The following NKAIN2 variants were observed in gnomAD, a reference collection of about 807,000 sequenced individuals.
The protein encoded by NKAIN2 is sodium/potassium transporting ATPase interacting 2.
NKAIN2 carries 14 observed loss-of-function variants against 32.6 expected under a neutral mutation model. That is an observed-to-expected ratio of 0.43 (90% confidence interval 0.28 to 0.67). The LOEUF (loss-of-function observed/expected upper bound fraction) is 0.67, where lower values mean the gene tolerates loss of function less well. NKAIN2 is among the 30% of genes least tolerant of loss of function. NKAIN2 has a pLI of 0.17. For missense variants in NKAIN2, 198 were observed against 258.3 expected (o/e 0.77, Z 1.60); for synonymous variants, 80 against 87.2 (o/e 0.92, Z 0.46).
intron 4 of NKAIN2, among the ~76,000 whole-genome samples, chr6:124,726,773 C>T (rs1221402362): frequency 7.0e-6 from 1 of 141,940 alleles, no homozygotes; most frequent in Admixed American, 7.3e-5. Context: ...TATGGGAGGA[C>T]ATTCAAACCA....
intron 4 of NKAIN2, among the ~76,000 whole-genome samples, chr6:124,696,602 A>G (rs1774510685): frequency 1.3e-5 from 2 of 152,156 alleles, no homozygotes; most frequent in South Asian, 4.1e-4. Context: ...GGGAAAACAC[A>G]TAAATCCCTC....
intron 4 of NKAIN2, among the ~76,000 whole-genome samples, chr6:124,696,884 G>A (rs926861491): frequency 4.6e-5 from 7 of 151,384 alleles, no homozygotes; most frequent in Admixed American, 1.3e-4. Context: ...TTAGGCTACT[G>A]TAATTTGTTT....
intron 3 of NKAIN2, among the ~76,000 whole-genome samples, chr6:124,359,189 T>C (rs947529105): frequency 2.6e-5 from 4 of 152,170 alleles, no homozygotes; most frequent in Non-Finnish European, 5.9e-5. Flanking sequence ...TGTAGTATAG[T>C]TTGAAGTCAG....
intron 1 of NKAIN2, among the ~76,000 whole-genome samples, chr6:124,200,969 C>T (rs1790562578): frequency 6.6e-6 from 1 of 151,944 alleles, no homozygotes; most frequent in Non-Finnish European, 1.5e-5. Context: ...ATTATGTTGC[C>T]AGGATCACAA....
At chr6:124,677,556 A>G (rs543039361) in intron 4 of NKAIN2, among the ~76,000 whole-genome samples, 1 of 152,304 alleles carries the variant, frequency 6.6e-6, no homozygotes, top group South Asian at 2.1e-4. Context: ...TATAGGTAAA[A>G]CAATCTATTA....
chr6:124,009,221 T>C (rs972079572), intron 1 of NKAIN2, among the ~76,000 whole-genome samples: 40 of 152,244 alleles, frequency 2.6e-4, no homozygotes, highest in African/African-American at 9.4e-4. Flanking sequence ...GTTTGGTCTC[T>C]CTCTGTCTGT....
chr6:124,210,102 A>C (rs1791094327), intron 1 of NKAIN2, among the ~76,000 whole-genome samples: 1 of 151,422 alleles, frequency 6.6e-6, no homozygotes, highest in African/African-American at 2.4e-5. Flanking sequence ...TAAGTCTTTC[A>C]TCCATTTTGA....
chr6:124,802,445 T>A lies in NKAIN2; in HGVS notation c.535+11046T>A, dbSNP rs565756184. 4.6e-5 allele frequency among the ~76,000 whole-genome samples: 7 copies of A among 152,294 alleles called. No individual in the cohort carries two copies. In the South Asian group the frequency reaches 1.5e-3, roughly 32 times the overall value. ...AACAAAGACTGGAAAATCTAATCCA[T>A]CCAAATGGCATGGCACAAAGTGAGC... is the stretch of plus-strand genomic sequence containing the variant. On this transcript the variant is annotated intron_variant, in intron 5 of 6. Coordinates refer to ENST00000368417, the MANE Select transcript of NKAIN2 (RefSeq NM_001040214.3).
intron 4 of NKAIN2, 128 bp from the exon 5 acceptor site, chr6:124,791,211 C>T (rs1301572745): frequency 1.7e-6 from 1 of 574,986 alleles, no homozygotes; most frequent in East Asian, 2.7e-5. Context: ...AAGGTCCAGT[C>T]CGATGAGCCA....
At chr6:123,870,050 A>C (rs1019964857) in intron 1 of NKAIN2, among the ~76,000 whole-genome samples, 65 of 152,176 alleles carry the variant, frequency 4.3e-4, no homozygotes, top group Non-Finnish European at 1.0e-4. Flanking sequence ...AAGAGCTCAG[A>C]TTCTAAATCT....
At chr6:124,122,432 C>G (rs527680607) in intron 1 of NKAIN2, among the ~76,000 whole-genome samples, 1 of 152,156 alleles carries the variant, frequency 6.6e-6, no homozygotes, top group African/African-American at 2.4e-5. Flanking sequence ...TGTTATTAGA[C>G]TGACTTCAGA....
At chr6:124,412,409 G>A (rs865950914) in intron 3 of NKAIN2, among the ~76,000 whole-genome samples, 12 of 152,334 alleles carry the variant, frequency 7.9e-5, no homozygotes, top group Middle Eastern at 3.4e-3. Flanking sequence ...ACTCTCAGCT[G>A]CAGGTCTGTT....
chr6:124,321,178 T>G (rs2115024737), intron 2 of NKAIN2, among the ~76,000 whole-genome samples: 2 of 152,328 alleles, frequency 1.3e-5, no homozygotes, highest in South Asian at 2.1e-4. Flanking sequence ...TTAGCACCTT[T>G]GCATCTGTTT....
intron 1 of NKAIN2, among the ~76,000 whole-genome samples, chr6:124,106,674 C>T (rs757160686): frequency 6.6e-6 from 1 of 152,094 alleles, no homozygotes; most frequent in Non-Finnish European, 1.5e-5. Flanking sequence ...TATGACTGTC[C>T]TTGGCTCTGT....
chr6:124,119,511 G>A (rs1582680896), intron 1 of NKAIN2, among the ~76,000 whole-genome samples: 1 of 152,112 alleles, frequency 6.6e-6, no homozygotes, highest in East Asian at 1.9e-4. Flanking sequence ...GATATGAATC[G>A]ATAGATCATA....
intron 3 of NKAIN2, among the ~76,000 whole-genome samples, chr6:124,375,853 C>A (rs1016689541): frequency 6.6e-6 from 1 of 152,054 alleles, no homozygotes; most frequent in Non-Finnish European, 1.5e-5. Flanking sequence ...TATCAAGAAC[C>A]TAATGGCTCA....
At chr6:123,923,371 G>A (rs190133470) in intron 1 of NKAIN2, among the ~76,000 whole-genome samples, 31 of 151,590 alleles carry the variant, frequency 2.0e-4, no homozygotes, top group Admixed American at 1.0e-3. Flanking sequence ...TTTTTGGCAG[G>A]AGTGGGGGAT....
chr6:124,360,005 G>T (rs56304232), intron 3 of NKAIN2, among the ~76,000 whole-genome samples: 1 of 152,106 alleles, frequency 6.6e-6, no homozygotes, highest in Non-Finnish European at 1.5e-5. Flanking sequence ...TTTGTCAAAG[G>T]CCTTTTCTGC....
intron 1 of NKAIN2, among the ~76,000 whole-genome samples, chr6:123,925,794 T>G (rs1262451717): frequency 6.6e-6 from 1 of 152,206 alleles, no homozygotes; most frequent in Admixed American, 6.5e-5. Flanking sequence ...GATTTTTCTT[T>G]TTGCTCTTCT....
Sources: allele counts gnomAD v4.1 joint callset (sites outside exome capture counted in the v4.1 genomes callset), GRCh38; gene constraint gnomAD v4.1.1; transcripts MANE v1.5; gene names NCBI Gene and HGNC (gene_info 2026-07-23, HGNC 2026-07-21).